Variants in CTTNBP2 observed in about 807,000 individuals in gnomAD.
CTTNBP2 encodes the protein cortactin binding protein 2, also known as cortactin-binding protein 2.
A neutral mutation model predicts 156.9 loss-of-function variants in CTTNBP2; 108 were observed. The ratio of observed to expected loss-of-function variants is 0.69; its 90% CI spans 0.59 to 0.81. The LOEUF (loss-of-function observed/expected upper bound fraction) is 0.81, where lower values mean the gene tolerates loss of function less well. CTTNBP2 is among the 30% of genes least tolerant of loss of function. The probability of loss-of-function intolerance (pLI) is 0.00; values close to 1 mark genes in which losing one functional copy is unlikely to be tolerated. For missense variants in CTTNBP2, 1,924 were observed against 2,035.4 expected, an observed-to-expected ratio of 0.95 and a Z score of 1.05; for synonymous variants, 767 against 751.8, an observed-to-expected ratio of 1.02 and a Z score of -0.33.
chr7:117,744,678 G>C (rs1282599421), intron 14 of CTTNBP2, among the ~76,000 whole-genome samples: 1 of 152,080 alleles, frequency 6.6e-6, no homozygotes, highest in Non-Finnish European at 1.5e-5. Flanking sequence ...TTGAGCTCAG[G>C]AGTTCAAGAC....
intron 2 of CTTNBP2, among the ~76,000 whole-genome samples, chr7:117,839,995 G>A (rs984968472): frequency 1.3e-5 from 2 of 152,012 alleles, no homozygotes; most frequent in African/African-American, 4.8e-5. Context: ...AATTTATGTG[G>A]GATATATAGA....
chr7:117,853,026 A>G (rs1307828628), intron 2 of CTTNBP2, among the ~76,000 whole-genome samples: 1 of 152,140 alleles, frequency 6.6e-6, no homozygotes, highest in Non-Finnish European at 1.5e-5. Flanking sequence ...TCATAGGGAT[A>G]AGAAATAATG....
chr7:117,793,449 T>C (rs1465775700), intron 3 of CTTNBP2: 1 of 152,356 alleles, frequency 6.6e-6, no homozygotes, highest in Non-Finnish European at 1.5e-5. Context: ...CTCCCTTAGC[T>C]TCGCTGGATG....
At chr7:117,860,703 A>G (rs1803668291) in intron 2 of CTTNBP2, among the ~76,000 whole-genome samples, 1 of 152,236 alleles carries the variant, frequency 6.6e-6, no homozygotes, top group East Asian at 1.9e-4. Context: ...TTTCAAAATT[A>G]CTGAAAGACC....
At chr7:117,779,425 A>G (rs1798279383) in intron 7 of CTTNBP2, among the ~76,000 whole-genome samples, 1 of 152,150 alleles carries the variant, frequency 6.6e-6, no homozygotes, top group Non-Finnish European at 1.5e-5. Flanking sequence ...GGTTTTGTTC[A>G]GCTCATCAGC....
At chr7:117,842,586 T>C (rs1344970868) in intron 2 of CTTNBP2, among the ~76,000 whole-genome samples, 3 of 151,950 alleles carry the variant, frequency 2.0e-5, no homozygotes, top group South Asian at 2.1e-4. Flanking sequence ...TAGAAACATA[T>C]AGTCAACCAA....
intron 14 of CTTNBP2, 109 bp downstream of exon 14, chr7:117,745,722 A>G (rs556055891): frequency 1.9e-4 from 138 of 716,108 alleles, no homozygotes; most frequent in Admixed American, 1.4e-3. Flanking sequence ...CTGAATAATT[A>G]AAGTTATCTT....
At chr7:117,813,815 C>A (rs1401539287) in intron 2 of CTTNBP2, among the ~76,000 whole-genome samples, 1 of 152,186 alleles carries the variant, frequency 6.6e-6, no homozygotes, top group Non-Finnish European at 1.5e-5. Context: ...CAATTCTCTG[C>A]AGAGAAATGC....
intron 2 of CTTNBP2, among the ~76,000 whole-genome samples, chr7:117,834,340 C>T (rs1190467810): frequency 6.6e-6 from 1 of 152,178 alleles, no homozygotes; most frequent in Non-Finnish European, 1.5e-5. Context: ...CAGGTGTGAG[C>T]CACCATGCCA....
chr7:117,845,343 C>A (rs1273216354), intron 2 of CTTNBP2, among the ~76,000 whole-genome samples: 2 of 152,154 alleles, frequency 1.3e-5, no homozygotes, highest in African/African-American at 4.8e-5. Context: ...ATTAAGAATG[C>A]AAGCAGGCTG....
chr7:117,800,226 C>T (rs1799536834), intron 3 of CTTNBP2, among the ~76,000 whole-genome samples: 2 of 151,930 alleles, frequency 1.3e-5, no homozygotes, highest in Non-Finnish European at 1.5e-5. Flanking sequence ...ACTAACAGCT[C>T]CTGAATTTAA....
At chr7:117,786,951 A>AT (rs1331134532) in intron 4 of CTTNBP2, among the ~76,000 whole-genome samples, 1 of 152,058 alleles carries the variant, frequency 6.6e-6, no homozygotes, top group Non-Finnish European at 1.5e-5. Flanking sequence ...CAGTTGCCTT[A>AT]TTTTTTTAGA....
At chr7:117,740,237 T>C (rs992928177) in intron 14 of CTTNBP2, among the ~76,000 whole-genome samples, 1 of 135,476 alleles carries the variant, frequency 7.4e-6, no homozygotes, top group African/African-American at 3.1e-5. Context: ...TCTATTCTTT[T>C]CTTCATTGGC....
intron 12 of CTTNBP2, among the ~76,000 whole-genome samples, chr7:117,746,511 T>C (rs569757887): frequency 6.6e-6 from 1 of 152,330 alleles, no homozygotes; most frequent in East Asian, 1.9e-4. Context: ...CATTTCATTA[T>C]GGAAATTTTG....
rs1800305411 is a variant in CTTNBP2 at position 117,811,858 on chromosome 7, GTAAAAATTTTAA to G, written c.190-881_190-870del. On this transcript the variant is annotated intron_variant, in intron 2 of 22. Transcript: ENST00000160373. Reference sequence around the variant, plus strand: ...ATTTTAATTAAATTAAAATTTTAATGTAAAAATTTTAATTAAATTAAAATTTTAATGTAAAAA... The same window carrying G: ...ATTTTAATTAAATTAAAATTTTAATGTTAAATTAAAATTTTAATGTAAAAA... Among the ~76,000 whole-genome samples the G allele has an allele frequency of 1.0e-4, 4 of 39,000 alleles. No individual in the cohort carries two copies. In the East Asian group the frequency reaches 3.5e-3, roughly 34 times the overall value. 25.6% of individuals were successfully genotyped at this position (39,000 alleles called of 152,430 possible).
chr7:117,755,065 A>C (rs1267142911), intron 12 of CTTNBP2, among the ~76,000 whole-genome samples: 2 of 152,202 alleles, frequency 1.3e-5, no homozygotes, highest in African/African-American at 2.4e-5. Context: ...AAACCAGTTG[A>C]TCACACCCTT....
Position 117,784,355 on chromosome 7 carries a change from A to G in CTTNBP2, c.2168T>C (p.Val723Ala). ...LLQQAAAQGNVTLLSMLLNEE... is the reference protein window; with the variant it reads ...LLQQAAAQGNATLLSMLLNEE... ...ATTAAGCAGCATTGATAATAAAGTGACATTTCCCTGGGCAGCAGCTTGCTG... is the reference window on the plus strand; with the variant it reads ...ATTAAGCAGCATTGATAATAAAGTGGCATTTCCCTGGGCAGCAGCTTGCTG... The change falls in exon 5 of 23, where the codon GTC (valine) becomes GCC (alanine). Residue 723 changes from valine (V) to alanine (A), a missense_variant. By Grantham distance (64) the Val-to-Ala change is moderately conservative (BLOSUM62 0). Coordinates refer to ENST00000160373, the MANE Select transcript of CTTNBP2 (RefSeq NM_033427.3). 6.2e-7 allele frequency: 1 copy of G among 1,613,986 alleles called. No homozygotes were observed. The highest frequency in any genetic ancestry group is 8.5e-7 in the Non-Finnish European group (1 of 1,179,982).
chr7:117,795,187 G>A (rs1451436138), intron 3 of CTTNBP2, among the ~76,000 whole-genome samples: 8 of 135,468 alleles, frequency 5.9e-5, no homozygotes, highest in Admixed American at 7.6e-5. Flanking sequence ...TGACGACCGC[G>A]CCCGGCCTAC....
At chr7:117,736,249 G>A (rs1460738097) in intron 14 of CTTNBP2, among the ~76,000 whole-genome samples, 1 of 152,100 alleles carries the variant, frequency 6.6e-6, no homozygotes, top group Non-Finnish European at 1.5e-5. Flanking sequence ...GAGCCCAGGA[G>A]TTCGAGGCCA....
Sources: allele counts gnomAD v4.1 joint callset (sites outside exome capture counted in the v4.1 genomes callset), GRCh38; gene constraint gnomAD v4.1.1; transcripts MANE v1.5; gene names NCBI Gene and HGNC (gene_info 2026-07-23, HGNC 2026-07-21).